CDH13: variants seen among roughly 807,000 people sequenced by gnomAD.
CDH13 encodes cadherin-13.
Under a neutral mutation model 63.8 loss-of-function variants are expected in CDH13, and 24 were observed. The observed-to-expected ratio is 0.38, with a 90% CI of 0.27 to 0.53. CDH13 has a LOEUF of 0.53. Ranked by LOEUF, CDH13 falls within the 20% of genes least tolerant of loss-of-function variation. The pLI is 0.85. For missense variants in CDH13, 1,049 were observed against 903.1 expected, an observed-to-expected ratio of 1.16 and a Z score of -2.07; for synonymous variants, 503 against 355.3, an observed-to-expected ratio of 1.42 and a Z score of -4.67.
intron 5 of CDH13, among the ~76,000 whole-genome samples, chr16:83,278,815 G>A (rs566326504): frequency 3.3e-5 from 5 of 152,282 alleles, no homozygotes; most frequent in South Asian, 4.2e-4. Flanking sequence ...CAAGAAATGA[G>A]GCTGAAAAGA....
chr16:82,723,797 T>A (rs867741568), intron 1 of CDH13, among the ~76,000 whole-genome samples: 1 of 152,124 alleles, frequency 6.6e-6, no homozygotes, highest in Admixed American at 6.5e-5. Flanking sequence ...TAATCAGAGT[T>A]AAAAAAAATA....
At chr16:83,025,403 T>C (rs1915707838) in intron 2 of CDH13, among the ~76,000 whole-genome samples, 1 of 152,162 alleles carries the variant, frequency 6.6e-6, no homozygotes, top group African/African-American at 2.4e-5. Context: ...CTTACAATCT[T>C]GGCAGAAGGG....
chr16:82,977,459 A>AATTTAATT (rs1909674035), intron 2 of CDH13, among the ~76,000 whole-genome samples: 1 of 152,176 alleles, frequency 6.6e-6, no homozygotes, highest in Non-Finnish European at 1.5e-5. Context: ...AGTGGGAGGT[A>AATTTAATT]ATTTAATTAT....
chr16:82,648,596 A>T (rs1597214578), intron 1 of CDH13, among the ~76,000 whole-genome samples: 1 of 152,326 alleles, frequency 6.6e-6, no homozygotes, highest in South Asian at 2.1e-4. Context: ...GCCTCTAAAT[A>T]AAGAAAAAGA....
intron 6 of CDH13, among the ~76,000 whole-genome samples, chr16:83,367,055 G>A (rs961270343): frequency 1.6e-4 from 25 of 151,930 alleles, no homozygotes; most frequent in African/African-American, 4.6e-4. Flanking sequence ...CACAATCATC[G>A]CCACAATCAA....
chr16:82,987,929 T>C (rs555198408), intron 2 of CDH13, among the ~76,000 whole-genome samples: 4 of 152,336 alleles, frequency 2.6e-5, no homozygotes, highest in Non-Finnish European at 4.4e-5. Context: ...TTTGAAGTGT[T>C]CATCATGATC....
At chr16:82,820,949 G>A (rs115631124) in intron 1 of CDH13, among the ~76,000 whole-genome samples, 2,423 of 152,192 alleles carry the variant, frequency 0.016, 55 homozygotes, top group African/African-American at 0.045. Flanking sequence ...TGTGGGACCT[G>A]CCTCTACCAA....
At chr16:82,892,098 C>G (rs1358899647) in intron 2 of CDH13, among the ~76,000 whole-genome samples, 1 of 152,098 alleles carries the variant, frequency 6.6e-6, no homozygotes, top group Non-Finnish European at 1.5e-5. Context: ...CTCAGCTCAT[C>G]CCTTTATGAG....
chr16:82,996,107 A>G (rs1912175985), intron 2 of CDH13, among the ~76,000 whole-genome samples: 1 of 152,126 alleles, frequency 6.6e-6, no homozygotes. Context: ...GAAGGAAGTA[A>G]AACCTTCGGG....
At chr16:83,783,516 A>C (rs1299181053) in intron 13 of CDH13, 44 bp downstream of exon 13, 1 of 1,463,548 alleles carries the variant, frequency 6.8e-7, no homozygotes, top group African/African-American at 1.4e-5. Flanking sequence ...AGGAAATTGT[A>C]ACTTCACTGG....
At chr16:83,482,557 A>T (rs1309031191) in intron 6 of CDH13, among the ~76,000 whole-genome samples, 1 of 152,244 alleles carries the variant, frequency 6.6e-6, no homozygotes, top group Non-Finnish European at 1.5e-5. Context: ...AATTTAGAGA[A>T]TGCTGGTTTA....
At chr16:83,230,332 G>C (rs1182057039) in intron 5 of CDH13, among the ~76,000 whole-genome samples, 1 of 152,070 alleles carries the variant, frequency 6.6e-6, no homozygotes, top group Non-Finnish European at 1.5e-5. Context: ...GTGTTAACCC[G>C]GGAAAGCAGG....
chr16:83,054,337 C>G (rs2030701137), intron 3 of CDH13, among the ~76,000 whole-genome samples: 1 of 152,134 alleles, frequency 6.6e-6, no homozygotes, highest in South Asian at 2.1e-4. Context: ...TAAAATAGAA[C>G]AATTACAGTA....
chr16:82,686,982 G>A (rs371036887), intron 1 of CDH13, among the ~76,000 whole-genome samples: 70 of 152,240 alleles, frequency 4.6e-4, no homozygotes, highest in African/African-American at 1.5e-3. Flanking sequence ...CTCTTGCTTC[G>A]TTCAATAAAG....
rs563262167 is a variant in CDH13, at chr16:83,168,892, A to G, written c.483+43391A>G. ...TAAGAAAACATCTCATGGACTCTCA[A>G]TTTATTGAAACTTTTCCCTAGTTTT... On this transcript the variant is annotated intron_variant, in intron 4 of 13. Coordinates refer to ENST00000567109, the MANE Select transcript of CDH13 (RefSeq NM_001257.5). Among the ~76,000 whole-genome samples, 38 of 152,184 alleles carry G rather than the reference A, an allele frequency of 2.5e-4. 1 individual carries two copies. The highest frequency in any genetic ancestry group is 3.4e-3 in the Middle Eastern group (1 of 294).
intron 10 of CDH13, chr16:83,721,191 A>C (rs1250709150): frequency 6.6e-6 from 1 of 152,262 alleles, no homozygotes. Context: ...CACCACCAGT[A>C]GCCATCCAGA....
intron 6 of CDH13, among the ~76,000 whole-genome samples, chr16:83,381,129 T>C (rs1274747071): frequency 6.6e-6 from 1 of 152,208 alleles, no homozygotes; most frequent in Non-Finnish European, 1.5e-5. Context: ...TATTTCATTG[T>C]GTCCTCAATA....
intron 1 of CDH13, among the ~76,000 whole-genome samples, chr16:82,831,874 T>C (rs1155972): frequency 0.16 from 23,750 of 152,148 alleles, 3,072 homozygotes; most frequent in East Asian, 0.74. Context: ...AACAACCATA[T>C]CTAGGTAAAC....
chr16:83,706,226 A>G (rs927570826), intron 10 of CDH13, among the ~76,000 whole-genome samples: 1 of 152,174 alleles, frequency 6.6e-6, no homozygotes, highest in Non-Finnish European at 1.5e-5. Flanking sequence ...CTCTCACAAC[A>G]TGGCGGCCAG....
Sources: gnomAD v4.1 joint callset for allele counts (sites outside exome capture counted in the v4.1 genomes callset) on GRCh38, gnomAD v4.1.1 for gene constraint, MANE v1.5 for transcripts, NCBI Gene and HGNC (gene_info 2026-07-23, HGNC 2026-07-21) for gene names.